The following UNC13C variants were observed in gnomAD, a reference collection of about 807,000 sequenced individuals.
The protein encoded by UNC13C is protein unc-13 homolog C.
UNC13C carries 174 observed loss-of-function variants against 245.4 expected under a neutral mutation model. That is an observed-to-expected ratio of 0.71 (90% confidence interval 0.63 to 0.80). UNC13C has a LOEUF of 0.80. UNC13C is among the 30% of genes least tolerant of loss of function. The pLI is 0.00. For synonymous variants in UNC13C, 992 were observed against 895.1 expected, an observed-to-expected ratio of 1.11 and a Z score of -1.93; for missense variants, 2,829 against 2,602.9, an observed-to-expected ratio of 1.09 and a Z score of -1.89.
intron 22 of UNC13C, among the ~76,000 whole-genome samples, chr15:54,502,955 T>C (rs1205060420): frequency 1.3e-5 from 2 of 152,098 alleles, no homozygotes; most frequent in Non-Finnish European, 2.9e-5. Context: ...ATACTGAACA[T>C]AGCCACAATA....
chr15:53,976,037 A>T (rs1893683620), upstream of UNC13C, among the ~76,000 whole-genome samples: 1 of 152,188 alleles, frequency 6.6e-6, no homozygotes, highest in Non-Finnish European at 1.5e-5. Flanking sequence ...TTGTAATTAC[A>T]CATTATTCAA....
At chr15:54,515,253 A>G (rs1894919729) in intron 24 of UNC13C, among the ~76,000 whole-genome samples, 1 of 152,210 alleles carries the variant, frequency 6.6e-6, no homozygotes, top group Admixed American at 6.5e-5. Context: ...TACTAGAGCT[A>G]CAAGTTAATT....
chr15:54,271,863 C>T (rs1409442469), intron 10 of UNC13C, among the ~76,000 whole-genome samples: 3 of 152,120 alleles, frequency 2.0e-5, no homozygotes, highest in African/African-American at 4.8e-5. Flanking sequence ...CGTATGTAAC[C>T]GACTGGACAA....
chr15:54,000,638 C>T (rs1894842815), intron 1 of UNC13C, among the ~76,000 whole-genome samples: 1 of 152,072 alleles, frequency 6.6e-6, no homozygotes, highest in African/African-American at 2.4e-5. Flanking sequence ...AATTACTAAA[C>T]CCAGTGTGTT....
At chr15:54,347,868 T>A (rs1370055041) in intron 17 of UNC13C, among the ~76,000 whole-genome samples, 1 of 152,206 alleles carries the variant, frequency 6.6e-6, no homozygotes, top group Admixed American at 6.5e-5. Flanking sequence ...TATGAATTTC[T>A]TATTAGCTTT....
At chr15:54,244,342 T>C (rs1385243655) in intron 7 of UNC13C, among the ~76,000 whole-genome samples, 1 of 152,212 alleles carries the variant, frequency 6.6e-6, no homozygotes, top group Non-Finnish European at 1.5e-5. Context: ...TGTCTGTTCT[T>C]ATACCAGTAC....
intron 30 of UNC13C, among the ~76,000 whole-genome samples, chr15:54,596,636 C>T (rs560019646): frequency 1.3e-5 from 2 of 152,302 alleles, no homozygotes; most frequent in South Asian, 4.1e-4. Flanking sequence ...CGCATGTTGA[C>T]ACGTGATCCC....
intron 14 of UNC13C, among the ~76,000 whole-genome samples, chr15:54,323,908 A>C (rs1596220661): frequency 6.6e-6 from 1 of 152,074 alleles, no homozygotes; most frequent in East Asian, 1.9e-4. Context: ...GATGTGTTTA[A>C]GTGATTAATA....
At chr15:54,556,000 C>T (rs947155360) in intron 29 of UNC13C, among the ~76,000 whole-genome samples, 11 of 152,060 alleles carry the variant, frequency 7.2e-5, no homozygotes, top group African/African-American at 2.7e-4. Context: ...CTGCTGAATA[C>T]CCAAAGATGT....
At chr15:54,283,480 T>C (rs1427760088) in intron 10 of UNC13C, among the ~76,000 whole-genome samples, 1 of 152,178 alleles carries the variant, frequency 6.6e-6, no homozygotes, top group African/African-American at 2.4e-5. Context: ...TAATTGATTA[T>C]GATTTTATTG....
intron 4 of UNC13C, among the ~76,000 whole-genome samples, chr15:54,143,952 A>G (rs1173926129): frequency 6.6e-6 from 1 of 152,224 alleles, no homozygotes; most frequent in Non-Finnish European, 1.5e-5. Flanking sequence ...TTATCATTAC[A>G]TACCCAAATA....
At chr15:54,314,261 T>C (rs181170246) in intron 13 of UNC13C, among the ~76,000 whole-genome samples, 2 of 151,904 alleles carry the variant, frequency 1.3e-5, no homozygotes, top group East Asian at 3.9e-4. Context: ...TAACAATGTG[T>C]TGTATTCTTG....
intron 30 of UNC13C, among the ~76,000 whole-genome samples, chr15:54,590,544 G>GT (rs1266372567): frequency 1.3e-5 from 2 of 151,858 alleles, no homozygotes; most frequent in African/African-American, 4.8e-5. Context: ...TTGTTTGTTT[G>GT]TTTGCAGCAA....
intron 8 of UNC13C, among the ~76,000 whole-genome samples, chr15:54,257,333 G>A (rs144844049): frequency 3.7e-3 from 560 of 152,270 alleles, no homozygotes; most frequent in Non-Finnish European, 6.9e-3. Context: ...ACTCTGTGAT[G>A]ACTGGGCAAC....
Position 54,033,856 on chromosome 15 carries a change from C to G in UNC13C, c.2983+17970C>G, listed in dbSNP as rs181189371. 9.2e-5 allele frequency among the ~76,000 whole-genome samples: 14 copies of G among 152,316 alleles called. No homozygotes were observed. The East Asian group carries it at 2.7e-3, about 29-fold the overall frequency. On this transcript the variant is annotated intron_variant, in intron 2 of 32. Coordinates refer to ENST00000260323, the MANE Select transcript of UNC13C (RefSeq NM_001080534.3). ...AGCATAGGAGATCTGTATGTCCTTTCACTCTTCATTTCTGTGGGCTAGAAG... is the reference window on the plus strand; with the variant it reads ...AGCATAGGAGATCTGTATGTCCTTTGACTCTTCATTTCTGTGGGCTAGAAG...
chr15:54,547,708 A>G (rs1896545527), intron 27 of UNC13C, among the ~76,000 whole-genome samples: 1 of 152,222 alleles, frequency 6.6e-6, no homozygotes, highest in Non-Finnish European at 1.5e-5. Flanking sequence ...GAGTGATAAA[A>G]TATAAATTAC....
At chr15:54,451,166 A>T (rs1212923279) in intron 19 of UNC13C, among the ~76,000 whole-genome samples, 1 of 151,926 alleles carries the variant, frequency 6.6e-6, no homozygotes, top group Non-Finnish European at 1.5e-5. Flanking sequence ...TAGTCATTTT[A>T]TGCTAAAGAG....
At chr15:54,476,443 T>C (rs1004938314) in intron 19 of UNC13C, among the ~76,000 whole-genome samples, 5 of 150,284 alleles carry the variant, frequency 3.3e-5, no homozygotes, top group African/African-American at 1.2e-4. Flanking sequence ...TGGTTTTAGG[T>C]CTAACGTTTA....
intron 2 of UNC13C, among the ~76,000 whole-genome samples, chr15:54,098,709 G>A (rs780617513): frequency 1.3e-5 from 2 of 152,180 alleles, no homozygotes; most frequent in Non-Finnish European, 2.9e-5. Flanking sequence ...AATGTGTACT[G>A]TTGAACTTTT....
Sources: allele counts gnomAD v4.1 joint callset (sites outside exome capture counted in the v4.1 genomes callset), GRCh38; gene constraint gnomAD v4.1.1; transcripts MANE v1.5; gene names NCBI Gene and HGNC (gene_info 2026-07-23, HGNC 2026-07-21).